TEX9: variants seen among roughly 807,000 people sequenced by gnomAD.
TEX9 encodes testis-expressed protein 9.
Under a neutral mutation model 59.6 loss-of-function variants are expected in TEX9, and 74 were observed. That is an observed-to-expected ratio of 1.24 (90% CI 1.03 to 1.51). The LOEUF is 1.51. Among genes scored for constraint, TEX9 ranks in the 40% most tolerant of loss-of-function variants. The pLI is 0.00. For synonymous variants in TEX9, 186 were observed against 152.2 expected, an observed-to-expected ratio of 1.22 and a Z score of -1.64; for missense variants, 522 against 447.8, an observed-to-expected ratio of 1.17 and a Z score of -1.49.
At chr15:56,308,810 C>T (rs962948346) in intron 1 of TEX9, among the ~76,000 whole-genome samples, 1 of 152,116 alleles carries the variant, frequency 6.6e-6, no homozygotes, top group East Asian at 1.9e-4. Flanking sequence ...AAATGATTAC[C>T]TTTGCCATTG....
At chr15:56,354,843 G>A (rs2046655231) in intron 1 of TEX9, among the ~76,000 whole-genome samples, 1 of 152,130 alleles carries the variant, frequency 6.6e-6, no homozygotes, top group Non-Finnish European at 1.5e-5. Flanking sequence ...ACAGAAGACA[G>A]TACTGTATGA....
Position 56,356,955 on chromosome 15 carries a change from G to C in TEX9, c.-106-16486G>C, listed in dbSNP as rs185736089. On this transcript the variant is annotated intron_variant, in intron 1 of 5. Transcript: ENST00000560827. Reference sequence around the variant, plus strand: ...TTCCAGAACAGTGGCAGCAATTGTAGTGATCTCGTATTTAGCTGGGTCCCA... The same window carrying C: ...TTCCAGAACAGTGGCAGCAATTGTACTGATCTCGTATTTAGCTGGGTCCCA... Among the ~76,000 whole-genome samples the C allele has an allele frequency of 9.2e-5, 14 of 152,204 alleles. No homozygotes were observed. The East Asian group carries it at 2.5e-3, about 27-fold the overall frequency.
chr15:56,361,766 G>C (rs559098165), upstream of TEX9, among the ~76,000 whole-genome samples: 20 of 152,290 alleles, frequency 1.3e-4, no homozygotes, highest in African/African-American at 4.1e-4. Context: ...AAACACACAG[G>C]GGAAATGCTA....
upstream of TEX9, among the ~76,000 whole-genome samples, chr15:56,360,601 C>A (rs1458661939): frequency 1.3e-5 from 2 of 151,850 alleles, no homozygotes; most frequent in Non-Finnish European, 2.9e-5. Context: ...TTTTAATTTT[C>A]TGTATATTAT....
At chr15:56,434,456 AAG>A in intron 12 of TEX9, 1 of 1,501,946 alleles carries the variant, frequency 6.7e-7, no homozygotes, top group Non-Finnish European at 9.0e-7. Context: ...TTTATAAGGA[AAG>A]AGTGATAGAG....
downstream of TEX9, chr15:56,447,566 T>G (rs1408093257): frequency 1.3e-5 from 2 of 152,196 alleles, no homozygotes. Context: ...CACTTTCTAA[T>G]TGTTGATAAT....
the TEX9 span, among the ~76,000 whole-genome samples, chr15:56,459,983 T>C: frequency 1.2e-4 from 4 of 34,598 alleles, no homozygotes; most frequent in Non-Finnish European, 1.5e-4. Context: ...AGAGCGAAAT[T>C]CTGTCTCAAA....
intron 1 of TEX9, among the ~76,000 whole-genome samples, chr15:56,356,009 G>A (rs1321451592): frequency 6.6e-6 from 1 of 151,938 alleles, no homozygotes; most frequent in Non-Finnish European, 1.5e-5. Context: ...CTAAAACTTT[G>A]CTAAACTCGC....
intron 1 of TEX9, among the ~76,000 whole-genome samples, chr15:56,350,239 T>C (rs985642843): frequency 7.9e-5 from 12 of 152,226 alleles, no homozygotes; most frequent in Non-Finnish European, 1.3e-4. Context: ...ATGCAAAATA[T>C]ATACATACAT....
intron 1 of TEX9, among the ~76,000 whole-genome samples, chr15:56,261,514 T>G (rs1180907611): frequency 6.6e-6 from 1 of 151,914 alleles, no homozygotes; most frequent in East Asian, 1.9e-4. Flanking sequence ...GGTCAGGAGT[T>G]CGAGACCAGC....
chr15:56,264,977 A>G (rs1343816734), intron 1 of TEX9, among the ~76,000 whole-genome samples: 1 of 152,186 alleles, frequency 6.6e-6, no homozygotes, highest in Non-Finnish European at 1.5e-5. Context: ...CCTTTCACCA[A>G]TATCACCCTC....
intron 12 of TEX9, chr15:56,443,690 C>T (rs770367820): frequency 6.2e-6 from 10 of 1,613,188 alleles, no homozygotes; most frequent in South Asian, 4.4e-5. Flanking sequence ...TTTTGCCATC[C>T]GATCTTCTTC....
In TEX9 at chr15:56,273,931, T is replaced by G. The variant is rs560143899; in HGVS notation, c.-107+29653T>G. On this transcript the variant is annotated intron_variant, in intron 1 of 5. Coordinates refer to the TEX9 transcript ENST00000560827. ...GTGGTTTTATTTTTGTTGCTCTTATTTATCCTGCTTATGGTTCTCTGACCT... is the reference window on the plus strand; with the variant it reads ...GTGGTTTTATTTTTGTTGCTCTTATGTATCCTGCTTATGGTTCTCTGACCT... Among the ~76,000 whole-genome samples the G allele has an allele frequency of 2.6e-5, 4 of 152,318 alleles. No homozygotes were observed. In the South Asian group the frequency reaches 8.3e-4, roughly 32 times the overall value.
At chr15:56,365,382 A>G, upstream of TEX9, 1 of 1,564,354 alleles carries the variant, frequency 6.4e-7, no homozygotes, top group Non-Finnish European at 8.7e-7. Context: ...GGCGGGAGGC[A>G]ACCGGGATGT....
chr15:56,375,001 A>G (rs754126454), intron 3 of TEX9, among the ~76,000 whole-genome samples: 7 of 152,188 alleles, frequency 4.6e-5, no homozygotes, highest in Non-Finnish European at 8.8e-5. Context: ...ACAGTGCTGC[A>G]ACAAACATGG....
chr15:56,352,667 ATCTCTG>A, intron 1 of TEX9, among the ~76,000 whole-genome samples: 1 of 152,204 alleles, frequency 6.6e-6, no homozygotes, highest in South Asian at 2.1e-4. Context: ...CTTGTTTATT[ATCTCTG>A]TTATTTTCAG....
In TEX9 at chr15:56,413,785, A is replaced by C. The variant is rs567763462; in HGVS notation, c.963+1349A>C. Among the ~76,000 whole-genome samples, 22 of 151,940 alleles carry C rather than the reference A, an allele frequency of 1.4e-4. 1 individual carries two copies. Among genetic ancestry groups the C allele is most frequent in the African/African-American group, 4.1e-4 (17 of 41,298 alleles). On this transcript the variant is annotated intron_variant, in intron 10 of 12. Transcript: ENST00000352903. ...CCTTCATTATATACACAGATAATAC[A>C]TTTTGGATTAAGTTAGTAACACTTA...
chr15:56,457,144 T>TC, the TEX9 span, among the ~76,000 whole-genome samples: 1 of 152,094 alleles, frequency 6.6e-6, no homozygotes, highest in Non-Finnish European at 1.5e-5. Context: ...CACACATTTT[T>TC]CCCCCAAGCC....
downstream of TEX9, among the ~76,000 whole-genome samples, chr15:56,446,555 G>C (rs905520406): frequency 6.6e-6 from 1 of 151,908 alleles, no homozygotes; most frequent in Non-Finnish European, 1.5e-5. Context: ...GTAACAATTT[G>C]TACTGTACTA....
Sources: allele counts gnomAD v4.1 joint callset (sites outside exome capture counted in the v4.1 genomes callset), GRCh38; gene constraint gnomAD v4.1.1; transcripts MANE v1.5; gene names NCBI Gene and HGNC (gene_info 2026-07-23, HGNC 2026-07-21).